AKAP17A: variants seen among roughly 807,000 people sequenced by gnomAD.
The protein encoded by AKAP17A is A-kinase anchoring protein 17A.
A neutral mutation model predicts 52.2 loss-of-function variants in AKAP17A; 15 were observed. That is an observed-to-expected ratio of 0.29 (90% CI 0.19 to 0.44). The LOEUF is 0.44. AKAP17A is among the 20% of genes least tolerant of loss of function. The pLI is 1.00. For missense variants in AKAP17A, 1,060 were observed against 1,007.0 expected (o/e 1.05, Z -0.71); for synonymous variants, 514 against 424.7 (o/e 1.21, Z -2.58).
chrX:1,592,366 A>T (rs757033109), intron 1 of AKAP17A, among the ~76,000 whole-genome samples: 1 of 151,380 alleles, frequency 6.6e-6, no homozygotes, highest in South Asian at 2.1e-4. Context: ...AGGTGGGAAT[A>T]CCAGGGGCAA....
Position 1,594,212 on chromosome X carries a change from C to G in AKAP17A, c.750C>G (p.Ala250=), listed in dbSNP as rs775264234. 6.5e-7 allele frequency: 1 copy of G among 1,538,662 alleles called. No homozygotes were observed. Among genetic ancestry groups the G allele is most frequent in the Non-Finnish European group, 8.8e-7 (1 of 1,141,052 alleles). Reference sequence around the variant, plus strand: ...AGGGCGAGGACGGCAAGGCCGTGGCCTGCAACATCAAGGTGAGTCCTGGGC... The same window carrying G: ...AGGGCGAGGACGGCAAGGCCGTGGCGTGCAACATCAAGGTGAGTCCTGGGC... ...MYKGEDGKAV[A]CNIKVSFDST... is the part of the protein sequence containing the mutation. The change falls in exon 2 of 5, where the codon GCC becomes GCG. Residue 250 remains alanine (A), a synonymous_variant. Coordinates refer to ENST00000313871, the MANE Select transcript of AKAP17A (RefSeq NM_005088.3).
At chrX:1,596,108 C>T (rs1932963480) in intron 3 of AKAP17A, among the ~76,000 whole-genome samples, 3 of 151,922 alleles carry the variant, frequency 2.0e-5, no homozygotes, top group Non-Finnish European at 4.4e-5. Context: ...TCTCCCTCCA[C>T]ATGCTGTTCA....
At chrX:1,600,569 T>C (rs1933304034) in intron 4 of AKAP17A, 90 bp from the exon 5 acceptor site, 5 of 1,269,774 alleles carry the variant, frequency 3.9e-6, no homozygotes, top group South Asian at 1.5e-5. Context: ...CCCCAGACCA[T>C]GGGGCCTCCA....
chrX:1,593,310 C>T (rs1932870978), intron 1 of AKAP17A, 134 bp from the exon 2 acceptor site: 4 of 864,028 alleles, frequency 4.6e-6, no homozygotes, highest in African/African-American at 3.4e-5. Context: ...AAGTGGAAAC[C>T]GGTCTCTGAC....
Position 1,601,413 on chromosome X carries a change from G to A in AKAP17A, c.1907G>A (p.Arg636Gln), listed in dbSNP as rs750531262. The change falls in exon 5 of 5, where the codon CGG (arginine) becomes CAG (glutamine). Residue 636 changes from arginine to glutamine, a missense_variant. By Grantham distance (43) the Arg-to-Gln change is conservative (BLOSUM62 1). Coordinates refer to ENST00000313871, the MANE Select transcript of AKAP17A (RefSeq NM_005088.3). ...KHAYKDDSPR[R>Q]RSTSPDHTRS... ...GCCTACAAGGATGACAGCCCCCGCC[G>A]GCGCAGCACGAGCCCGGACCACACC... The A allele has an allele frequency of 3.5e-5, 54 of 1,565,034 alleles. No homozygotes were observed. Among genetic ancestry groups the A allele is most frequent in the Admixed American group, 7.3e-5 (4 of 54,754 alleles).
chrX:1,601,734 G>A lies in AKAP17A; in HGVS notation c.*140G>A, dbSNP rs1306109606. The A allele has an allele frequency of 4.3e-5, 32 of 741,626 alleles. No homozygotes were observed. The highest frequency in any genetic ancestry group is 4.1e-4 in the Middle Eastern group (1 of 2,434). 45.9% of individuals were successfully genotyped at this position (741,626 alleles called of 1,614,324 possible). ...GCCACGAATGTCCACGGAGCCCGCCGGCAGGAAGGAAGACACCATGCTTTA... is the reference window on the plus strand; with the variant it reads ...GCCACGAATGTCCACGGAGCCCGCCAGCAGGAAGGAAGACACCATGCTTTA... On this transcript the variant is annotated 3_prime_UTR_variant, in exon 5 of 5. Transcript: ENST00000313871.
chrX:1,594,055 A>T lies in AKAP17A; in HGVS notation c.593A>T (p.Glu198Val), dbSNP rs764812766. 6.2e-7 allele frequency: 1 copy of T among 1,612,918 alleles called. No individual in the cohort carries two copies. Among genetic ancestry groups the T allele is most frequent in the Non-Finnish European group, 8.5e-7 (1 of 1,179,476 alleles). Reference protein sequence around the residue: ...DIPMLDPYREEMTGRNFHTFS... With the variant: ...DIPMLDPYREVMTGRNFHTFS... ...CCCATGCTGGACCCCTACCGGGAGG[A>T]GATGACGGGCCGCAACTTCCACACC... The change falls in exon 2 of 5, where the codon GAG (glutamate) becomes GTG (valine). Residue 198 changes from glutamate (E) to valine (V), a missense_variant. Around this residue, in one of 2 missense-constraint regions of AKAP17A, gnomAD observed 267 missense variants for 377.1 expected, o/e 0.71. Coordinates refer to ENST00000313871, the MANE Select transcript of AKAP17A (RefSeq NM_005088.3).
At chrX:1,599,089 T>G in intron 3 of AKAP17A, 103 bp from the exon 4 acceptor site, 1 of 1,514,420 alleles carries the variant, frequency 6.6e-7, no homozygotes, top group Non-Finnish European at 8.9e-7. Flanking sequence ...TGCTTAATCG[T>G]TGGACCGTGG....
intron 2 of AKAP17A, 58 bp from the exon 3 acceptor site, chrX:1,595,326 G>T: frequency 6.2e-7 from 1 of 1,607,896 alleles, no homozygotes; most frequent in Non-Finnish European, 8.5e-7. Flanking sequence ...AGGGCGCCTG[G>T]CCGTGTGTCT....
rs1480056416 is a variant in AKAP17A at position 1,595,245 on chromosome X, C to T, written c.763-139C>T. The T allele has an allele frequency of 8.2e-6, 2 of 244,852 alleles. 1 individual carries two copies. The highest frequency in any genetic ancestry group is 1.2e-5 in the Non-Finnish European group (2 of 167,532). 15.2% of individuals were successfully genotyped at this position (244,852 alleles called of 1,614,324 possible). The stretch of plus-strand genomic sequence containing the variant: ...CTCCACTGTCTGGGTCTGCACCGGA[C>T]ATGAGTGGTGAGCGGTGAGCGGTGA... On this transcript the variant is annotated intron_variant, in intron 2 of 4. Transcript: ENST00000313871.
At chrX:1,593,062 C>T (rs1217164337) in intron 1 of AKAP17A, among the ~76,000 whole-genome samples, 1 of 152,100 alleles carries the variant, frequency 6.6e-6, no homozygotes, top group Non-Finnish European at 1.5e-5. Context: ...TGCCCCTTCC[C>T]GTGGAGCTAG....
intron 1 of AKAP17A, among the ~76,000 whole-genome samples, chrX:1,592,019 C>T (rs1249925424): frequency 1.3e-5 from 2 of 150,656 alleles, no homozygotes; most frequent in South Asian, 2.1e-4. Flanking sequence ...GGGGCTGGAG[C>T]GGTTCCTGGG....
rs1556031214 is a variant in AKAP17A at position 1,591,616 on chromosome X, G to GGGCGGCGACGGCGGTGGC, written c.-168_-151dup. 3 of 152,212 alleles carry GGGCGGCGACGGCGGTGGC rather than the reference G, an allele frequency of 2.0e-5. No individual in the cohort carries two copies. Among genetic ancestry groups the GGGCGGCGACGGCGGTGGC allele is most frequent in the Admixed American group, 2.0e-4 (3 of 15,260 alleles). The allele number at this position is 152,212 out of a possible 1,614,324, so 9.4% of individuals were successfully genotyped here. On this transcript the variant is annotated 5_prime_UTR_variant, in exon 1 of 5. Coordinates refer to ENST00000313871, the MANE Select transcript of AKAP17A (RefSeq NM_005088.3). ...GAAGTGGAAATGCGTCATAGAGGGCGGGCGGCGACGGCGGTGGCGGCGTCG... is the reference window on the plus strand; with the variant it reads ...GAAGTGGAAATGCGTCATAGAGGGCGGGCGGCGACGGCGGTGGCGGCGGCGACGGCGGTGGCGGCGTCG...
intron 1 of AKAP17A, 98 bp from the exon 2 acceptor site, chrX:1,593,346 C>A: frequency 8.1e-7 from 1 of 1,237,620 alleles, no homozygotes. Context: ...TGCTGTTTCT[C>A]TTCTCCGGGT....
At chrX:1,598,814 C>T (rs1262915949) in intron 3 of AKAP17A, among the ~76,000 whole-genome samples, 5 of 152,210 alleles carry the variant, frequency 3.3e-5, no homozygotes, top group Non-Finnish European at 5.9e-5. Context: ...CGGCGTCCTC[C>T]GCGCCGCTGT....
At chrX:1,600,035 C>CTCCCCAGGACAGACG (rs1393309851) in intron 4 of AKAP17A, 1 of 665,630 alleles carries the variant, frequency 1.5e-6, no homozygotes, top group African/African-American at 1.8e-5. Context: ...ACAGACAGAC[C>CTCCCCAGGACAGACG]TCCCCAGGAC....
rs1474179514 is a variant in AKAP17A at position 1,601,397 on chromosome X, G to A, written c.1891G>A (p.Asp631Asn). ...GCCCCACAAGAAGCACGCCTACAAG[G>A]ATGACAGCCCCCGCCGGCGCAGCAC... is the stretch of plus-strand genomic sequence containing the variant. ...RRPHKKHAYK[D>N]DSPRRRSTSP... The change falls in exon 5 of 5, where the codon GAT (aspartate) becomes AAT (asparagine). Residue 631 changes from aspartate (D) to asparagine (N), a missense_variant. Transcript: ENST00000313871. The A allele has an allele frequency of 1.3e-6, 2 of 1,566,268 alleles. No individual in the cohort carries two copies. The highest frequency in any genetic ancestry group is 1.1e-5 in the South Asian group (1 of 87,726).
In AKAP17A at chrX:1,593,692, T is replaced by C; in HGVS notation, c.230T>C (p.Ile77Thr). 1 of 1,613,912 alleles carries C rather than the reference T, an allele frequency of 6.2e-7. No homozygotes were observed. The highest frequency in any genetic ancestry group is 8.5e-7 in the Non-Finnish European group (1 of 1,179,840). The stretch of plus-strand genomic sequence containing the variant: ...ATTTCCAAGAGCACCATGGACTTCA[T>C]CCGCTTCGAGGGGGAGGTGGAGAAC... ...LRISKSTMDF[I>T]RFEGEVENKS... The change falls in exon 2 of 5, where the codon ATC becomes ACC. Residue 77 changes from isoleucine to threonine, a missense_variant. Physicochemically the swap from Ile to Thr is moderately conservative, Grantham distance 89. This residue lies in a region of AKAP17A where 267 missense variants were observed against 377.1 expected (regional missense o/e 0.71). Transcript: ENST00000313871.
intron 2 of AKAP17A, 75 bp downstream of exon 2, chrX:1,594,299 C>T: frequency 1.4e-6 from 2 of 1,469,086 alleles, no homozygotes; most frequent in Non-Finnish European, 1.8e-6. Flanking sequence ...CAGCAGAACG[C>T]TCCCAGCCAC....
Sources: gnomAD v4.1 joint callset for allele counts (sites outside exome capture counted in the v4.1 genomes callset) on GRCh38, gnomAD v4.1.1 for gene constraint, gnomAD v4.1.1 regional missense constraint, MANE v1.5 for transcripts, NCBI Gene and HGNC (gene_info 2026-07-23, HGNC 2026-07-21) for gene names.